The following XKR9 variants were observed in gnomAD, a reference collection of about 807,000 sequenced individuals.
XKR9 encodes the protein XK-related protein 9.
XKR9 carries 32 observed loss-of-function variants against 32.0 expected under a neutral mutation model. The observed-to-expected ratio is 1.00, with a 90% CI of 0.76 to 1.34. The LOEUF (loss-of-function observed/expected upper bound fraction) is 1.34, where lower values mean the gene tolerates loss of function less well. Ranked by LOEUF, XKR9 falls within the 40% of genes most tolerant of loss-of-function variation. XKR9 has a pLI of 0.00. For missense variants in XKR9, 546 were observed against 429.7 expected (o/e 1.27, Z -2.39); for synonymous variants, 168 against 143.4 (o/e 1.17, Z -1.22).
chr8:71,006,046 A>G, the XKR9 span, among the ~76,000 whole-genome samples: 43 of 152,378 alleles, frequency 2.8e-4, 1 homozygote, highest in African/African-American at 1.0e-3. Context: ...CTACTCAGAT[A>G]AAAGTATGAA....
At chr8:70,762,513 T>G (rs1364242508) in intron 2 of XKR9, among the ~76,000 whole-genome samples, 1 of 152,174 alleles carries the variant, frequency 6.6e-6, no homozygotes, top group African/African-American at 2.4e-5. Context: ...GTCTGCTCCT[T>G]ATGAGAATCT....
chr8:70,977,151 T>G, the XKR9 span, among the ~76,000 whole-genome samples: 1 of 151,596 alleles, frequency 6.6e-6, no homozygotes, highest in Non-Finnish European at 1.5e-5. Flanking sequence ...AATTTTGTTC[T>G]TTTGGTTCTT....
At chr8:70,858,754 G>C in the XKR9 span, among the ~76,000 whole-genome samples, 1 of 152,020 alleles carries the variant, frequency 6.6e-6, no homozygotes, top group Non-Finnish European at 1.5e-5. Context: ...ATACAGTGGG[G>C]GAAAGGACAG....
chr8:70,968,793 C>G, the XKR9 span, among the ~76,000 whole-genome samples: 7 of 152,324 alleles, frequency 4.6e-5, no homozygotes, highest in East Asian at 1.3e-3. Flanking sequence ...TGTGAAACAA[C>G]AAAGATAGCA....
At chr8:71,062,089 T>C in the XKR9 span, among the ~76,000 whole-genome samples, 1 of 152,180 alleles carries the variant, frequency 6.6e-6, no homozygotes, top group African/African-American at 2.4e-5. Flanking sequence ...CAAAAGCAAC[T>C]GGTAGGAAGA....
At chr8:70,830,191 A>C in the XKR9 span, among the ~76,000 whole-genome samples, 1 of 152,198 alleles carries the variant, frequency 6.6e-6, no homozygotes, top group Admixed American at 6.5e-5. Flanking sequence ...TAAGATTTAT[A>C]AAACTAACTG....
At chr8:70,894,110 G>T in the XKR9 span, among the ~76,000 whole-genome samples, 1 of 151,952 alleles carries the variant, frequency 6.6e-6, no homozygotes, top group African/African-American at 2.4e-5. Flanking sequence ...AAGTAGTAGG[G>T]TATGGCTGCA....
the XKR9 span, among the ~76,000 whole-genome samples, chr8:71,050,240 T>G: frequency 0.086 from 10,878 of 125,792 alleles, 517 homozygotes; most frequent in Non-Finnish European, 0.095. Context: ...GGCAGAGATA[T>G]ATATATATAT....
chr8:70,946,238 A>G, the XKR9 span, among the ~76,000 whole-genome samples: 1 of 152,360 alleles, frequency 6.6e-6, no homozygotes, highest in South Asian at 2.1e-4. Context: ...CTGTGCATGC[A>G]GCAGACACTA....
At chr8:70,751,322 G>T (rs1022806733) in intron 2 of XKR9, among the ~76,000 whole-genome samples, 2 of 152,092 alleles carry the variant, frequency 1.3e-5, no homozygotes, top group Non-Finnish European at 1.5e-5. Flanking sequence ...TAGAAATGGG[G>T]TTTCACCATG....
At chr8:70,751,621 CA>C (rs559635796) in intron 2 of XKR9, among the ~76,000 whole-genome samples, 37 of 152,106 alleles carry the variant, frequency 2.4e-4, no homozygotes, top group Non-Finnish European at 4.4e-4. Flanking sequence ...CTGGATGGAA[CA>C]AAAAGGCAGA....
At chr8:70,839,608 A>C in the XKR9 span, among the ~76,000 whole-genome samples, 1 of 152,158 alleles carries the variant, frequency 6.6e-6, no homozygotes, top group East Asian at 1.9e-4. Context: ...TGTGTTTGTC[A>C]TCTATTTCTT....
At chr8:70,760,073 GA>G (rs1333089659) in intron 2 of XKR9, among the ~76,000 whole-genome samples, 1 of 152,162 alleles carries the variant, frequency 6.6e-6, no homozygotes, top group Admixed American at 6.5e-5. Context: ...ACTTGTTACA[GA>G]ATGAATCTAA....
At chr8:70,987,120 G>T in the XKR9 span, among the ~76,000 whole-genome samples, 2 of 152,150 alleles carry the variant, frequency 1.3e-5, no homozygotes, top group Non-Finnish European at 2.9e-5. Context: ...AATTATGGGA[G>T]TATAATTCAA....
At chr8:70,741,963 C>G (rs1806992209) in intron 2 of XKR9, among the ~76,000 whole-genome samples, 1 of 117,584 alleles carries the variant, frequency 8.5e-6, no homozygotes, top group Non-Finnish European at 2.0e-5. Flanking sequence ...GTGTTGTATT[C>G]TGTTTTTTTT....
the XKR9 span, among the ~76,000 whole-genome samples, chr8:70,810,954 C>T: frequency 6.6e-6 from 1 of 152,332 alleles, no homozygotes; most frequent in Non-Finnish European, 1.5e-5. Flanking sequence ...GAGACATCTA[C>T]AGAAGCCTCC....
chr8:70,683,471 A>G lies in XKR9; in HGVS notation c.272+2141A>G. Reference sequence around the variant, plus strand: ...TTTTTATTTCTTCTTGAATCTCAGGACTTCTACCTAGAATTACTTTTCTTT... The same window carrying G: ...TTTTTATTTCTTCTTGAATCTCAGGGCTTCTACCTAGAATTACTTTTCTTT... On this transcript the variant is annotated intron_variant, in intron 3 of 4. Transcript: ENST00000408926. 2 of 431,588 alleles carry G rather than the reference A, an allele frequency of 4.6e-6. 1 individual carries two copies. Among genetic ancestry groups the G allele is most frequent in the South Asian group, 3.3e-5 (2 of 59,900 alleles). 26.7% of individuals were successfully genotyped at this position (431,588 alleles called of 1,614,324 possible). A position where few individuals can be genotyped will look rare whatever the true frequency, so the allele number is the denominator to read the frequency against.
At chr8:70,896,736 T>C in the XKR9 span, among the ~76,000 whole-genome samples, 4 of 152,026 alleles carry the variant, frequency 2.6e-5, no homozygotes, top group African/African-American at 9.7e-5. Context: ...TTTTTTACTT[T>C]TTAAATTTTT....
chr8:70,723,362 G>A (rs377606914), intron 4 of XKR9, among the ~76,000 whole-genome samples: 6 of 152,208 alleles, frequency 3.9e-5, no homozygotes, highest in African/African-American at 9.6e-5. Flanking sequence ...GAGGAGCCAC[G>A]ATCCTTTGTA....
Sources: gnomAD v4.1 joint callset for allele counts (sites outside exome capture counted in the v4.1 genomes callset) on GRCh38, gnomAD v4.1.1 for gene constraint, MANE v1.5 for transcripts, NCBI Gene and HGNC (gene_info 2026-07-23, HGNC 2026-07-21) for gene names.